Variants in CCDC14 observed in about 807,000 individuals in gnomAD.
The protein encoded by CCDC14 is coiled-coil domain containing 14.
A neutral mutation model predicts 81.4 loss-of-function variants in CCDC14; 71 were observed. The ratio of observed to expected loss-of-function variants is 0.87; its 90% CI spans 0.72 to 1.06. The LOEUF is 1.06. Among genes scored for constraint, CCDC14 ranks in the 50% least tolerant of loss-of-function variants. The probability of loss-of-function intolerance (pLI) is 0.00; values close to 1 mark genes in which losing one functional copy is unlikely to be tolerated. For missense variants in CCDC14, 1,046 were observed against 1,047.3 expected (o/e 1.00, Z 0.02); for synonymous variants, 332 against 364.8 (o/e 0.91, Z 1.03).
intron 1 of CCDC14, 113 bp downstream of exon 1, chr3:123,961,031 G>T: frequency 1.1e-6 from 1 of 947,188 alleles, no homozygotes; most frequent in Non-Finnish European, 1.6e-6. Flanking sequence ...GCACTTTAAT[G>T]TCGCCGCATT....
At chr3:123,924,252 T>G (rs968563047) in intron 12 of CCDC14, among the ~76,000 whole-genome samples, 3 of 152,094 alleles carry the variant, frequency 2.0e-5, no homozygotes. Context: ...AGAATGGAAT[T>G]GGATTCTTAT....
At chr3:123,921,512 AATAAAGCAACTATTAAATG>A (rs2035043189) in intron 12 of CCDC14, among the ~76,000 whole-genome samples, 1 of 152,228 alleles carries the variant, frequency 6.6e-6, no homozygotes, top group African/African-American at 2.4e-5. Flanking sequence ...GCAACTAAAT[AATAAAGCAACTATTAAATG>A]ATCTGAAGGG....
chr3:123,914,831 G>A lies in CCDC14; in HGVS notation c.2666C>T (p.Ala889Val). 1.9e-6 allele frequency: 3 copies of A among 1,597,068 alleles called. No homozygotes were observed. In the Admixed American group the frequency reaches 5.3e-5, roughly 28 times the overall value. ...DFRNGLAALD[A>V]NIARLQKSLR... ...AGACTTCTGGAGTCTAGCTATGTTG[G>A]CATCTAATGCCGCAAGGCCATTTCT... Residue 889 changes from alanine to valine, a missense_variant, in exon 13 of 13, where the codon GCC becomes GTC. Ala to Val is a moderately conservative substitution (Grantham distance 64). Transcript: ENST00000409697.
At chr3:123,915,755 T>C (rs2034646590) in intron 12 of CCDC14, 37 bp from the exon 13 acceptor site, 1 of 1,454,856 alleles carries the variant, frequency 6.9e-7, no homozygotes, top group African/African-American at 1.4e-5. Context: ...TTATTATTTT[T>C]TACCTGTTTC....
intron 5 of CCDC14, among the ~76,000 whole-genome samples, chr3:123,903,706 A>G (rs1422620366): frequency 6.6e-6 from 1 of 152,214 alleles, no homozygotes. Flanking sequence ...AGCTAAAGAC[A>G]TATTTCCAAC....
At chr3:123,936,999 C>A (rs1409992005) in intron 9 of CCDC14, among the ~76,000 whole-genome samples, 1 of 152,068 alleles carries the variant, frequency 6.6e-6, no homozygotes, top group Non-Finnish European at 1.5e-5. Flanking sequence ...TGGCTTCACT[C>A]AACATAGTAA....
intron 7 of CCDC14, 117 bp downstream of exon 7, chr3:123,948,574 T>A (rs1280572297): frequency 9.4e-6 from 8 of 851,832 alleles, no homozygotes; most frequent in Non-Finnish European, 1.1e-5. Context: ...CAAAAAAAAA[T>A]AAACAACTGG....
intron 5 of CCDC14, among the ~76,000 whole-genome samples, chr3:123,905,814 G>A (rs2034294538): frequency 6.6e-6 from 1 of 152,146 alleles, no homozygotes. Context: ...AGGCTTAACA[G>A]TCCATGCTAA....
intron 5 of CCDC14, among the ~76,000 whole-genome samples, chr3:123,900,354 C>A (rs900914229): frequency 1.4e-4 from 21 of 152,218 alleles, no homozygotes; most frequent in Non-Finnish European, 1.0e-4. Flanking sequence ...AGAGCCCTCA[C>A]ATGAACAGAA....
chr3:123,915,395 A>G lies in CCDC14; in HGVS notation c.2102T>C (p.Ile701Thr). 4 of 1,613,756 alleles carry G rather than the reference A, an allele frequency of 2.5e-6. No homozygotes were observed. The highest frequency in any genetic ancestry group is 3.4e-6 in the Non-Finnish European group (4 of 1,179,782). Reference protein sequence around the residue: ...RGMEEASAPGIISALSKQDSD... With the variant: ...RGMEEASAPGTISALSKQDSD... Reference sequence around the variant, plus strand: ...ATCCTGTTTTGAAAGGGCAGAAATAATTCCAGGTGCAGATGCTTCCTCCAT... The same window carrying G: ...ATCCTGTTTTGAAAGGGCAGAAATAGTTCCAGGTGCAGATGCTTCCTCCAT... Residue 701 changes from isoleucine (I) to threonine (T), a missense_variant, in exon 13 of 13, where the codon ATT becomes ACT. Ile to Thr is a moderately conservative substitution (Grantham distance 89, BLOSUM62 -1). Coordinates refer to ENST00000409697, the MANE Select transcript of CCDC14 (RefSeq NM_001366335.1).
intron 1 of CCDC14, among the ~76,000 whole-genome samples, chr3:123,960,754 G>A (rs143970573): frequency 1.3e-5 from 2 of 152,292 alleles, no homozygotes; most frequent in Admixed American, 6.5e-5. Flanking sequence ...CTTTGAGACA[G>A]GATTTTATGC....
At chr3:123,906,070 C>T (rs1449732788) in intron 5 of CCDC14, among the ~76,000 whole-genome samples, 4 of 152,160 alleles carry the variant, frequency 2.6e-5, no homozygotes, top group African/African-American at 9.7e-5. Context: ...GTGCTCACGC[C>T]TGTAATCCCA....
At chr3:123,940,159 A>C (rs1438927240) in intron 9 of CCDC14, among the ~76,000 whole-genome samples, 4 of 151,844 alleles carry the variant, frequency 2.6e-5, no homozygotes, top group Non-Finnish European at 1.5e-5. Flanking sequence ...CTAAAAGCCC[A>C]AAAAACAACA....
intron 5 of CCDC14, among the ~76,000 whole-genome samples, chr3:123,900,462 C>T (rs535381304): frequency 6.6e-6 from 1 of 152,322 alleles, no homozygotes; most frequent in East Asian, 1.9e-4. Flanking sequence ...TATCTCTCAG[C>T]AAGACCATAA....
At chr3:123,922,837 A>G (rs1577241868) in intron 12 of CCDC14, among the ~76,000 whole-genome samples, 1 of 152,138 alleles carries the variant, frequency 6.6e-6, no homozygotes, top group African/African-American at 2.4e-5. Flanking sequence ...TCTTCCAAAC[A>G]TTCAAAGTGC....
chr3:123,932,386 T>G (rs1049043768), intron 10 of CCDC14, among the ~76,000 whole-genome samples: 2 of 152,188 alleles, frequency 1.3e-5, no homozygotes, highest in African/African-American at 2.4e-5. Flanking sequence ...TGAATCACTC[T>G]GGTGAAACTG....
At chr3:123,900,564 C>T (rs1267206927) in intron 5 of CCDC14, among the ~76,000 whole-genome samples, 15 of 152,166 alleles carry the variant, frequency 9.9e-5, no homozygotes, top group Non-Finnish European at 1.8e-4. Context: ...AGCGACTGGA[C>T]GTTCTATCGG....
intron 12 of CCDC14, among the ~76,000 whole-genome samples, chr3:123,917,681 G>C (rs2034795973): frequency 6.6e-6 from 1 of 150,916 alleles, no homozygotes; most frequent in South Asian, 2.1e-4. Flanking sequence ...AATTAGCATA[G>C]TAAAATAAGA....
At chr3:123,922,592 C>A (rs1341751038) in intron 12 of CCDC14, among the ~76,000 whole-genome samples, 2 of 152,052 alleles carry the variant, frequency 1.3e-5, no homozygotes, top group African/African-American at 2.4e-5. Context: ...TATACACCAA[C>A]AAATTAGATA....
Sources: allele counts gnomAD v4.1 joint callset (sites outside exome capture counted in the v4.1 genomes callset), GRCh38; gene constraint gnomAD v4.1.1; transcripts MANE v1.5; gene names NCBI Gene and HGNC (gene_info 2026-07-23, HGNC 2026-07-21).